EYA1: variants seen among roughly 807,000 people sequenced by gnomAD.
EYA1 encodes the protein EYA transcriptional coactivator and phosphatase 1.
In EYA1, 16 loss-of-function variants were observed where a neutral mutation model predicts 82.0. The observed-to-expected ratio is 0.20, with a 90% CI of 0.13 to 0.30. The LOEUF (loss-of-function observed/expected upper bound fraction) is 0.30. Among genes scored for constraint, EYA1 ranks in the 10% least tolerant of loss-of-function variants. The pLI, the probability that EYA1 is intolerant of heterozygous loss-of-function variation, is 1.00. For synonymous variants in EYA1, 261 were observed against 264.4 expected (o/e 0.99, Z 0.12); for missense variants, 633 against 730.7 (o/e 0.87, Z 1.54).
intron 11 of EYA1, among the ~76,000 whole-genome samples, chr8:71,264,848 G>A (rs978691002): frequency 1.3e-5 from 2 of 152,072 alleles, no homozygotes; most frequent in Non-Finnish European, 2.9e-5. Context: ...CTCCCAAAGT[G>A]CTGGGATTAC....
chr8:71,517,670 C>A (rs1400917789), intron 2 of EYA1, among the ~76,000 whole-genome samples: 2 of 148,880 alleles, frequency 1.3e-5, no homozygotes, highest in African/African-American at 4.9e-5. Context: ...ATGATCAAGC[C>A]CCATTGAGTA....
At chr8:71,283,425 TC>T (rs1282895644) in intron 9 of EYA1, among the ~76,000 whole-genome samples, 1 of 152,180 alleles carries the variant, frequency 6.6e-6, no homozygotes, top group Non-Finnish European at 1.5e-5. Context: ...CATCTGTGCC[TC>T]CAATAGAATG....
chr8:71,432,704 C>A (rs1409290332), intron 2 of EYA1, among the ~76,000 whole-genome samples: 1 of 152,138 alleles, frequency 6.6e-6, no homozygotes, highest in African/African-American at 2.4e-5. Flanking sequence ...AATCTCTTTT[C>A]AAATACAGTT....
At chr8:71,214,550 T>C (rs942784671) in intron 16 of EYA1, among the ~76,000 whole-genome samples, 1 of 152,242 alleles carries the variant, frequency 6.6e-6, no homozygotes, top group African/African-American at 2.4e-5. Flanking sequence ...AATAGGACCC[T>C]GTAGGATACA....
At chr8:71,340,811 A>G (rs570120569) in intron 3 of EYA1, among the ~76,000 whole-genome samples, 8 of 152,256 alleles carry the variant, frequency 5.3e-5, no homozygotes, top group East Asian at 3.9e-4. Flanking sequence ...TTGTATCTCT[A>G]CAGGACTTAG....
chr8:71,279,229 A>ATCAC (rs1375449966), intron 9 of EYA1, among the ~76,000 whole-genome samples: 1 of 152,322 alleles, frequency 6.6e-6, no homozygotes, highest in East Asian at 1.9e-4. Context: ...AACAGAGCAT[A>ATCAC]TCACTTCCCT....
chr8:71,291,652 G>A (rs1819013039), intron 9 of EYA1, among the ~76,000 whole-genome samples: 1 of 152,028 alleles, frequency 6.6e-6, no homozygotes, highest in South Asian at 2.1e-4. Context: ...GTCCCTCACT[G>A]CTTTATATTT....
At chr8:71,227,980 C>T (rs1208170934) in intron 12 of EYA1, among the ~76,000 whole-genome samples, 5 of 152,124 alleles carry the variant, frequency 3.3e-5, no homozygotes, top group South Asian at 2.1e-4. Flanking sequence ...ACATACAGCT[C>T]AGAATAAATC....
intron 2 of EYA1, among the ~76,000 whole-genome samples, chr8:71,467,567 C>T (rs1808873424): frequency 6.6e-6 from 1 of 152,102 alleles, no homozygotes; most frequent in Admixed American, 6.6e-5. Flanking sequence ...CTCTAGGGTA[C>T]TATTTAAAAC....
chr8:71,436,096 TGAA>T (rs1243193171), intron 2 of EYA1, among the ~76,000 whole-genome samples: 5 of 152,220 alleles, frequency 3.3e-5, no homozygotes, highest in Non-Finnish European at 5.9e-5. Flanking sequence ...GGAATCTTTT[TGAA>T]GAAGAATGGA....
At chr8:71,298,619 TG>T (rs1256521738) in intron 9 of EYA1, among the ~76,000 whole-genome samples, 1 of 152,212 alleles carries the variant, frequency 6.6e-6, no homozygotes, top group Non-Finnish European at 1.5e-5. Context: ...GGCTCACTTT[TG>T]ATTGTTTTTC....
At chr8:71,492,710 C>T (rs986416008) in intron 2 of EYA1, among the ~76,000 whole-genome samples, 9 of 152,122 alleles carry the variant, frequency 5.9e-5, no homozygotes, top group Non-Finnish European at 7.4e-5. Flanking sequence ...CGTGATCCAC[C>T]CTCCTCGACC....
At position 71,426,723 on chromosome 8, in the gene EYA1, A is replaced by C. The variant is rs560304089; in HGVS notation, c.34-70212T>G. Among the ~76,000 whole-genome samples, 8 of 152,324 alleles carry C rather than the reference A, an allele frequency of 5.3e-5. 1 individual carries two copies. The East Asian group carries it at 1.5e-3, about 29-fold the overall frequency. On this transcript the variant is annotated intron_variant, in intron 2 of 18. Coordinates refer to the EYA1 transcript ENST00000643681. ...ATAATATCAAAGATTGATGACTTAC[A>C]ATTTTGCTTTATAAATTAGAAATAT...
chr8:71,513,275 T>C (rs1401048705), intron 2 of EYA1, among the ~76,000 whole-genome samples: 1 of 152,138 alleles, frequency 6.6e-6, no homozygotes, highest in African/African-American at 2.4e-5. Flanking sequence ...AGAATTTTCA[T>C]AATAGAATAT....
chr8:71,403,262 A>C (rs1435652637), intron 2 of EYA1, among the ~76,000 whole-genome samples: 1 of 152,238 alleles, frequency 6.6e-6, no homozygotes. Flanking sequence ...ATGATCAGAC[A>C]ATTGGCAGAA....
chr8:71,440,687 C>T (rs1806365886), intron 2 of EYA1, among the ~76,000 whole-genome samples: 1 of 152,090 alleles, frequency 6.6e-6, no homozygotes, highest in South Asian at 2.1e-4. Context: ...GGAGCCCATA[C>T]GTCAAGTTCC....
At chr8:71,258,312 G>T (rs1814686201) in intron 11 of EYA1, among the ~76,000 whole-genome samples, 1 of 152,204 alleles carries the variant, frequency 6.6e-6, no homozygotes, top group Admixed American at 6.5e-5. Context: ...CAGGAGAGAG[G>T]TGTGCAGCCA....
intron 2 of EYA1, among the ~76,000 whole-genome samples, chr8:71,473,763 C>A (rs1028112308): frequency 3.9e-5 from 6 of 152,130 alleles, no homozygotes; most frequent in Non-Finnish European, 5.9e-5. Flanking sequence ...ATGTTTATTG[C>A]AGCACTGTTC....
intron 12 of EYA1, among the ~76,000 whole-genome samples, chr8:71,217,503 G>C (rs1398010788): frequency 6.6e-6 from 1 of 152,196 alleles, no homozygotes; most frequent in Non-Finnish European, 1.5e-5. Flanking sequence ...AGTGTGTTGA[G>C]GAGCCCAGAC....
Sources: allele counts gnomAD v4.1 joint callset (sites outside exome capture counted in the v4.1 genomes callset), GRCh38; gene constraint gnomAD v4.1.1; transcripts MANE v1.5; gene names NCBI Gene and HGNC (gene_info 2026-07-23, HGNC 2026-07-21).